Variants in LPP observed in about 807,000 individuals in gnomAD.
LPP encodes lipoma-preferred partner.
In LPP, 38 loss-of-function variants were observed where a neutral mutation model predicts 60.4. The observed-to-expected ratio is 0.63, with a 90% confidence interval of 0.49 to 0.83. LPP has a LOEUF of 0.83. Among genes scored for constraint, LPP ranks in the 40% least tolerant of loss-of-function variants. The pLI, the probability that LPP is intolerant of heterozygous loss-of-function variation, is 0.00. For missense variants in LPP, 902 were observed against 783.6 expected (o/e 1.15, Z -1.80); for synonymous variants, 328 against 290.8 (o/e 1.13, Z -1.30).
chr3:188,591,508 G>A (rs1409805000), intron 6 of LPP, among the ~76,000 whole-genome samples: 1 of 152,138 alleles, frequency 6.6e-6, no homozygotes, highest in Non-Finnish European at 1.5e-5. Context: ...AAGATATGCT[G>A]GAACAACATT....
intron 5 of LPP, among the ~76,000 whole-genome samples, chr3:188,498,922 G>A (rs1286171481): frequency 6.6e-6 from 1 of 152,092 alleles, no homozygotes; most frequent in African/African-American, 2.4e-5. Flanking sequence ...ATCTATTCAT[G>A]TATGTATTAG....
At chr3:188,317,251 G>A (rs1239109154) in intron 2 of LPP, among the ~76,000 whole-genome samples, 1 of 144,264 alleles carries the variant, frequency 6.9e-6, no homozygotes, top group Admixed American at 7.0e-5. Flanking sequence ...TTTTTTCTCT[G>A]TATCTAAGTC....
intron 4 of LPP, among the ~76,000 whole-genome samples, chr3:188,475,746 CA>C (rs1006447557): frequency 6.6e-6 from 1 of 151,590 alleles, no homozygotes; most frequent in African/African-American, 2.4e-5. Flanking sequence ...GCTAAAAATC[CA>C]AAAAAATTAG....
chr3:188,592,546 G>GTTTTTT (rs1553936323), intron 6 of LPP, among the ~76,000 whole-genome samples: 1 of 98,374 alleles, frequency 1.0e-5, no homozygotes. Context: ...ACTGTTTTTA[G>GTTTTTT]TTTTGTTTTT....
At chr3:188,183,858 T>G (rs892451216) in intron 1 of LPP, among the ~76,000 whole-genome samples, 31 of 152,160 alleles carry the variant, frequency 2.0e-4, no homozygotes, top group African/African-American at 7.5e-4. Context: ...CGTACTACAC[T>G]GCTTTCCTAG....
intron 7 of LPP, among the ~76,000 whole-genome samples, chr3:188,625,982 G>A (rs1169309349): frequency 6.6e-6 from 1 of 152,142 alleles, no homozygotes; most frequent in Non-Finnish European, 1.5e-5. Context: ...ACCTATTTTA[G>A]TTAATACTCT....
In LPP at chr3:188,889,457, G is replaced by T. The variant is rs751989513; in HGVS notation, c.*14978G>T. Reference sequence around the variant, plus strand: ...GCTGGCAGATTACACTTGCCAAGTCGTTCCCTTTCCTTCTAAGTCAGTTGG... The same window carrying T: ...GCTGGCAGATTACACTTGCCAAGTCTTTCCCTTTCCTTCTAAGTCAGTTGG... On this transcript the variant is annotated 3_prime_UTR_variant, in exon 12 of 12. Coordinates refer to ENST00000617246, the MANE Select transcript of LPP (RefSeq NM_001375462.1). The T allele has an allele frequency of 5.6e-5, 13 of 231,188 alleles. No individual in the cohort carries two copies. Among genetic ancestry groups the T allele is most frequent in the African/African-American group, 2.7e-4 (12 of 45,224 alleles). 14.3% of individuals were successfully genotyped at this position (231,188 alleles called of 1,614,324 possible).
intron 4 of LPP, among the ~76,000 whole-genome samples, chr3:188,465,047 A>G (rs1370742127): frequency 6.6e-6 from 1 of 151,614 alleles, no homozygotes; most frequent in East Asian, 1.9e-4. Flanking sequence ...ACAAAAGGGG[A>G]TACCATGATC....
chr3:188,235,563 T>A (rs572214981), intron 2 of LPP, among the ~76,000 whole-genome samples: 12 of 152,324 alleles, frequency 7.9e-5, no homozygotes, highest in African/African-American at 2.6e-4. Flanking sequence ...AAATGAAGGC[T>A]CTTTGGAGTA....
At chr3:188,613,245 T>C (rs1171043957) in intron 7 of LPP, among the ~76,000 whole-genome samples, 3 of 144,640 alleles carry the variant, frequency 2.1e-5, no homozygotes, top group African/African-American at 8.4e-5. Flanking sequence ...GTGCATTTTA[T>C]ATATCTATAT....
chr3:188,663,932 G>A (rs973124457), intron 7 of LPP, among the ~76,000 whole-genome samples: 6 of 152,296 alleles, frequency 3.9e-5, no homozygotes, highest in African/African-American at 7.2e-5. Context: ...GCGGAGCTCC[G>A]GCTGTAATGC....
At chr3:188,294,309 C>T (rs748481980) in intron 2 of LPP, among the ~76,000 whole-genome samples, 5 of 152,104 alleles carry the variant, frequency 3.3e-5, no homozygotes, top group Middle Eastern at 3.4e-3. Context: ...AAAACAGAAC[C>T]GTAAACTTTA....
intron 5 of LPP, among the ~76,000 whole-genome samples, chr3:188,505,752 C>G (rs1283152758): frequency 6.6e-6 from 1 of 152,214 alleles, no homozygotes; most frequent in African/African-American, 2.4e-5. Context: ...TCTTGCCCAT[C>G]ATCCTAGTTC....
intron 8 of LPP, among the ~76,000 whole-genome samples, chr3:188,752,219 G>A (rs1481744042): frequency 2.0e-5 from 3 of 152,204 alleles, no homozygotes; most frequent in African/African-American, 4.8e-5. Context: ...AAAGGTTACT[G>A]CAGTGCTTGA....
At chr3:188,720,340 T>C (rs1054902989) in intron 8 of LPP, among the ~76,000 whole-genome samples, 1 of 152,170 alleles carries the variant, frequency 6.6e-6, no homozygotes, top group Non-Finnish European at 1.5e-5. Context: ...GAGAAAGCAT[T>C]TGTCAAATCC....
At chr3:188,808,531 C>A (rs749434291) in intron 9 of LPP, among the ~76,000 whole-genome samples, 1 of 152,070 alleles carries the variant, frequency 6.6e-6, no homozygotes, top group Non-Finnish European at 1.5e-5. Context: ...TTTCCTGGGG[C>A]TGAAGACCTT....
At chr3:188,827,218 T>A (rs1755789994) in intron 9 of LPP, among the ~76,000 whole-genome samples, 1 of 152,156 alleles carries the variant, frequency 6.6e-6, no homozygotes. Context: ...CCATTCCAGA[T>A]CACATAGTGA....
At chr3:188,484,287 C>A (rs1805672414) in intron 4 of LPP, among the ~76,000 whole-genome samples, 1 of 152,156 alleles carries the variant, frequency 6.6e-6, no homozygotes, top group South Asian at 2.1e-4. Flanking sequence ...AGGGCAAGCA[C>A]CAAGGTGTAT....
At chr3:188,766,378 CA>C (rs142374028) in intron 9 of LPP, among the ~76,000 whole-genome samples, 15 of 124,628 alleles carry the variant, frequency 1.2e-4, no homozygotes, top group Admixed American at 1.6e-4. Context: ...CCTTAAAAAG[CA>C]AAAAAAAAAG....
Sources: gnomAD v4.1 joint callset for allele counts (sites outside exome capture counted in the v4.1 genomes callset) on GRCh38, gnomAD v4.1.1 for gene constraint, MANE v1.5 for transcripts, NCBI Gene and HGNC (gene_info 2026-07-23, HGNC 2026-07-21) for gene names.